Variants in C8orf34 observed in about 807,000 individuals in gnomAD.
The protein encoded by C8orf34 is uncharacterized protein C8orf34.
C8orf34 carries 65 observed loss-of-function variants against 68.3 expected under a neutral mutation model. The ratio of observed to expected loss-of-function variants is 0.95; its 90% confidence interval spans 0.78 to 1.17. The LOEUF (loss-of-function observed/expected upper bound fraction) is 1.17. Ranked by LOEUF, C8orf34 falls within the 50% of genes most tolerant of loss-of-function variation. The pLI, the probability that C8orf34 is intolerant of heterozygous loss-of-function variation, is 0.00. For missense variants in C8orf34, 664 were observed against 655.4 expected (o/e 1.01, Z -0.14); for synonymous variants, 244 against 241.2 (o/e 1.01, Z -0.11).
At chr8:68,330,817 G>GCACA (rs1253382565), upstream of C8orf34, 7 of 494,626 alleles carry the variant, frequency 1.4e-5, no homozygotes, top group South Asian at 1.6e-4. Context: ...ACGCACGCAC[G>GCACA]CACACACACC....
chr8:68,715,502 G>T (rs1011895352), intron 9 of C8orf34, among the ~76,000 whole-genome samples: 14 of 152,036 alleles, frequency 9.2e-5, no homozygotes, highest in African/African-American at 3.4e-4. Flanking sequence ...TATATGAGTG[G>T]CCAAAAAGCA....
chr8:68,372,597 G>T (rs1043092404), intron 1 of C8orf34, among the ~76,000 whole-genome samples: 30 of 152,126 alleles, frequency 2.0e-4, no homozygotes, highest in African/African-American at 6.5e-4. Flanking sequence ...ACTCTCCCTA[G>T]GAGCATAACT....
At chr8:68,478,032 G>A (rs1170749008) in intron 4 of C8orf34, among the ~76,000 whole-genome samples, 2 of 152,188 alleles carry the variant, frequency 1.3e-5, no homozygotes, top group Non-Finnish European at 2.9e-5. Flanking sequence ...ATGCCCTGGA[G>A]ACATTTTCCC....
At chr8:68,369,376 G>A (rs970346917) in intron 1 of C8orf34, among the ~76,000 whole-genome samples, 1 of 152,234 alleles carries the variant, frequency 6.6e-6, no homozygotes, top group African/African-American at 2.4e-5. Context: ...GAACTGTAAT[G>A]CTGTAATAGT....
In C8orf34 at chr8:68,331,317, A is replaced by T; in HGVS notation, c.305A>T (p.Asn102Ile). Residue 102 changes from asparagine to isoleucine, a missense_variant, in exon 1 of 14, where the codon AAC becomes ATC. Asn to Ile is a moderately radical substitution (Grantham distance 149). Coordinates refer to ENST00000518698, the MANE Select transcript of C8orf34 (RefSeq NM_052958.4). Reference protein sequence around the residue: ...QTRIQAYLEKNKIGPLFEELM... With the variant: ...QTRIQAYLEKIKIGPLFEELM... Reference sequence around the variant, plus strand: ...CGGATCCAGGCTTACCTGGAGAAGAACAAGATCGGTCCCCTGTTTGAGGTA... The same window carrying T: ...CGGATCCAGGCTTACCTGGAGAAGATCAAGATCGGTCCCCTGTTTGAGGTA... 1 of 1,536,450 alleles carries T rather than the reference A, an allele frequency of 6.5e-7. No homozygotes were observed. The highest frequency in any genetic ancestry group is 8.7e-7 in the Non-Finnish European group (1 of 1,146,980).
chr8:68,490,291 G>A (rs924548316), intron 5 of C8orf34, among the ~76,000 whole-genome samples: 3 of 152,052 alleles, frequency 2.0e-5, no homozygotes, highest in African/African-American at 4.8e-5. Context: ...GCTCGTATGC[G>A]GTTGTTACTG....
chr8:68,715,124 C>T (rs755504417), intron 9 of C8orf34, among the ~76,000 whole-genome samples: 16 of 152,102 alleles, frequency 1.1e-4, no homozygotes, highest in Non-Finnish European at 2.2e-4. Flanking sequence ...CAAAAATCAA[C>T]TCAAAATGGA....
chr8:68,510,346 T>C (rs1434276414), intron 5 of C8orf34, among the ~76,000 whole-genome samples: 1 of 152,166 alleles, frequency 6.6e-6, no homozygotes, highest in East Asian at 1.9e-4. Context: ...GGTCTTACTT[T>C]CCCAAAAGGA....
chr8:68,671,721 C>T (rs964370393), intron 8 of C8orf34, among the ~76,000 whole-genome samples: 16 of 152,122 alleles, frequency 1.1e-4, no homozygotes, highest in South Asian at 4.2e-4. Flanking sequence ...GTTTTATAAT[C>T]GGGTAAGAGT....
intron 1 of C8orf34, among the ~76,000 whole-genome samples, chr8:68,374,127 A>G (rs559251610): frequency 2.0e-5 from 3 of 152,150 alleles, no homozygotes; most frequent in Admixed American, 2.0e-4. Context: ...TTTTCCCAGG[A>G]TGGTCTTGCG....
At chr8:68,357,652 T>C (rs903977987) in intron 1 of C8orf34, among the ~76,000 whole-genome samples, 7 of 152,246 alleles carry the variant, frequency 4.6e-5, no homozygotes, top group African/African-American at 1.7e-4. Flanking sequence ...GGCTGGCCTG[T>C]TGAGGAATTA....
chr8:68,510,625 C>T (rs982754686), intron 5 of C8orf34, among the ~76,000 whole-genome samples: 2 of 141,822 alleles, frequency 1.4e-5, no homozygotes, highest in African/African-American at 3.1e-5. Context: ...TTCCTGTACT[C>T]ATTTATGTTG....
chr8:68,776,385 C>T lies in C8orf34; in HGVS notation c.1405-14C>T, dbSNP rs1435953266. On this transcript the variant is annotated splice_polypyrimidine_tract_variant and intron_variant, in intron 10 of 13. Transcript: ENST00000518698. ...CTCCTGACCTTTTCAACCTCTCTTCCTCTTTACTTCTAGGGAGAAGCCTCC... is the reference window on the plus strand; with the variant it reads ...CTCCTGACCTTTTCAACCTCTCTTCTTCTTTACTTCTAGGGAGAAGCCTCC... The T allele has an allele frequency of 1.2e-6, 2 of 1,607,346 alleles. No individual in the cohort carries two copies. Among genetic ancestry groups the T allele is most frequent in the Admixed American group, 3.3e-5 (2 of 59,846 alleles).
rs938386538 is a variant in C8orf34, at chr8:68,479,018, A to G, written c.737-9005A>G. Among the ~76,000 whole-genome samples, 14 of 152,260 alleles carry G rather than the reference A, an allele frequency of 9.2e-5. No homozygotes were observed. The East Asian group carries it at 2.3e-3, about 25-fold the overall frequency. ...CTGGGGGCTTATTTTATTTTTCCCT[A>G]TTTTTTAATGCTAAACATGTCTTCA... On this transcript the variant is annotated intron_variant, in intron 4 of 13. Transcript: ENST00000518698.
chr8:68,467,191 G>A lies in C8orf34; in HGVS notation c.608-1501G>A, dbSNP rs530942633. 6.9e-4 allele frequency among the ~76,000 whole-genome samples: 105 copies of A among 151,922 alleles called. 1 individual carries two copies. Among genetic ancestry groups the A allele is most frequent in the Middle Eastern group, 3.4e-3 (1 of 294 alleles). Reference sequence around the variant, plus strand: ...ACCCCCATCTCATCCTGGCCCTATAGTAATGCAGTTATTTCAAATGTTGAT... The same window carrying A: ...ACCCCCATCTCATCCTGGCCCTATAATAATGCAGTTATTTCAAATGTTGAT... On this transcript the variant is annotated intron_variant, in intron 3 of 13. Coordinates refer to ENST00000518698, the MANE Select transcript of C8orf34 (RefSeq NM_052958.4).
intron 7 of C8orf34, among the ~76,000 whole-genome samples, chr8:68,542,192 A>G (rs56120021): frequency 0.046 from 7,058 of 152,228 alleles, 553 homozygotes; most frequent in African/African-American, 0.16. Context: ...ATGAATTCCA[A>G]CTTACAGTGG....
intron 10 of C8orf34, among the ~76,000 whole-genome samples, chr8:68,775,411 C>T (rs755425692): frequency 6.6e-6 from 1 of 152,070 alleles, no homozygotes; most frequent in Admixed American, 6.6e-5. Context: ...TCCAAAGCAC[C>T]AAGTTGTTTG....
chr8:68,634,530 G>T (rs761976350), intron 7 of C8orf34, among the ~76,000 whole-genome samples: 3 of 151,906 alleles, frequency 2.0e-5, no homozygotes, highest in Admixed American at 1.3e-4. Flanking sequence ...AATTTTCCTC[G>T]GTTTAGGCAT....
At chr8:68,436,798 C>A (rs1219076933) in intron 1 of C8orf34, among the ~76,000 whole-genome samples, 1 of 152,180 alleles carries the variant, frequency 6.6e-6, no homozygotes, top group African/African-American at 2.4e-5. Context: ...TGATTCTCAC[C>A]TTTCCAAATC....
Sources: allele counts gnomAD v4.1 joint callset (sites outside exome capture counted in the v4.1 genomes callset), GRCh38; gene constraint gnomAD v4.1.1; transcripts MANE v1.5; gene names NCBI Gene and HGNC (gene_info 2026-07-23, HGNC 2026-07-21).